The following VAV2 variants were observed in gnomAD, a reference collection of about 807,000 sequenced individuals.
VAV2 encodes the protein guanine nucleotide exchange factor VAV2.
A neutral mutation model predicts 132.5 loss-of-function variants in VAV2; 67 were observed. That is an observed-to-expected ratio of 0.51 (90% CI 0.42 to 0.62). The LOEUF is 0.62. VAV2 is among the 20% of genes least tolerant of loss of function. The pLI is 0.00. For synonymous variants in VAV2, 492 were observed against 443.5 expected (o/e 1.11, Z -1.37); for missense variants, 938 against 1,153.6 (o/e 0.81, Z 2.71).
intron 3 of VAV2, among the ~76,000 whole-genome samples, chr9:133,848,657 G>T (rs528597168): frequency 6.6e-6 from 1 of 152,396 alleles, no homozygotes; most frequent in Non-Finnish European, 1.5e-5. Flanking sequence ...TGTGCTGGCA[G>T]GCACGGGCCC....
At chr9:133,929,629 CA>C (rs990757664) in intron 2 of VAV2, among the ~76,000 whole-genome samples, 6 of 152,254 alleles carry the variant, frequency 3.9e-5, no homozygotes, top group Admixed American at 2.0e-4. Flanking sequence ...TGCCTGCACG[CA>C]AAAGCCAAGG....
At chr9:133,978,156 G>T (rs1842576176) in intron 1 of VAV2, among the ~76,000 whole-genome samples, 1 of 152,226 alleles carries the variant, frequency 6.6e-6, no homozygotes, top group Non-Finnish European at 1.5e-5. Flanking sequence ...GCTGGGCAGG[G>T]CTGGGGAAAC....
At chr9:133,822,572 A>C (rs953862166) in intron 4 of VAV2, among the ~76,000 whole-genome samples, 13 of 152,182 alleles carry the variant, frequency 8.5e-5, no homozygotes, top group Middle Eastern at 3.4e-3. Context: ...CCCATGAGGG[A>C]GGGAGGCCTT....
chr9:133,927,110 TG>T (rs61301941), intron 2 of VAV2, among the ~76,000 whole-genome samples: 131,424 of 152,080 alleles, frequency 0.86, 57,869 homozygotes, highest in East Asian at 0.97. Flanking sequence ...ACCTTACCAG[TG>T]GTGGCAAGAA....
intron 25 of VAV2, 62 bp from the exon 26 acceptor site, chr9:133,772,108 G>A (rs977126154): frequency 1.6e-5 from 23 of 1,433,200 alleles, no homozygotes; most frequent in Non-Finnish European, 2.3e-5. Flanking sequence ...GGCCCCCTTG[G>A]CAGCCAGGCT....
chr9:133,917,844 C>T (rs934619134), intron 2 of VAV2, among the ~76,000 whole-genome samples: 2 of 152,202 alleles, frequency 1.3e-5, no homozygotes, highest in South Asian at 2.1e-4. Flanking sequence ...CACACCCTCC[C>T]GAGGGAGACC....
Position 133,957,132 on chromosome 9 carries a change from C to T in VAV2, c.205-17913G>A, listed in dbSNP as rs184197973. Among the ~76,000 whole-genome samples, 6 of 152,254 alleles carry T rather than the reference C, an allele frequency of 3.9e-5. No homozygotes were observed. In the East Asian group the frequency reaches 9.7e-4, roughly 25 times the overall value. On this transcript the variant is annotated intron_variant, in intron 1 of 29. Transcript: ENST00000371850. ...CTGGTGCTCTCCCGGTTAGGATGAT[C>T]GTCCCTGCTTTACCAGGTGGGGAAA...
Position 133,901,114 on chromosome 9 carries a change from T to C in VAV2, c.321+37989A>G, listed in dbSNP as rs184836782. On this transcript the variant is annotated intron_variant, in intron 2 of 29. Transcript: ENST00000371850. ...CGTGCCCAGCCTCTCCTGTCTGATT[T>C]TCCAGTGAACCTTAAGGGGGCCAAG... Among the ~76,000 whole-genome samples, 32 of 152,058 alleles carry C rather than the reference T, an allele frequency of 2.1e-4. No homozygotes were observed. In the East Asian group the frequency reaches 3.9e-3, roughly 18 times the overall value.
chr9:133,854,511 C>T (rs1457180470), intron 3 of VAV2, among the ~76,000 whole-genome samples: 2 of 152,256 alleles, frequency 1.3e-5, no homozygotes, highest in African/African-American at 4.8e-5. Flanking sequence ...CACTGAGTTG[C>T]CCTTGGCTTG....
chr9:133,914,030 C>T (rs1040764408), intron 2 of VAV2, among the ~76,000 whole-genome samples: 2 of 152,200 alleles, frequency 1.3e-5, no homozygotes, highest in African/African-American at 2.4e-5. Context: ...TATCCTGAAA[C>T]GTAAACCAAC....
At chr9:133,898,680 C>A (rs956282518) in intron 2 of VAV2, among the ~76,000 whole-genome samples, 14 of 152,198 alleles carry the variant, frequency 9.2e-5, no homozygotes, top group Non-Finnish European at 1.5e-4. Context: ...GGTAGCTGGA[C>A]TTTTTATGTG....
chr9:133,970,607 G>C (rs1387140956), intron 1 of VAV2, among the ~76,000 whole-genome samples: 1 of 152,202 alleles, frequency 6.6e-6, no homozygotes, highest in African/African-American at 2.4e-5. Context: ...CTCCTTCCCT[G>C]GGCCCAGCCT....
Position 133,794,384 on chromosome 9 carries a change from T to C in VAV2, c.1101+1284A>G, listed in dbSNP as rs1834622099. Among the ~76,000 whole-genome samples the C allele has an allele frequency of 6.6e-6, 1 of 152,000 alleles. No homozygotes were observed. Among genetic ancestry groups the C allele is most frequent in the Non-Finnish European group, 1.5e-5 (1 of 68,000 alleles). On this transcript the variant is annotated intron_variant, in intron 12 of 29. Coordinates refer to ENST00000371850, the MANE Select transcript of VAV2 (RefSeq NM_001134398.2). The surrounding 1 kb of genome is among the most constrained non-coding windows in gnomAD (Gnocchi z 4.6). ...GAATCTGAAGGTCTCTGGGACCACC[T>C]CCCGTGCCCACACACGAGTGCCCAC...
At chr9:133,943,175 T>C (rs1841232805) in intron 1 of VAV2, among the ~76,000 whole-genome samples, 1 of 152,190 alleles carries the variant, frequency 6.6e-6, no homozygotes. Flanking sequence ...GCCATCCCTG[T>C]ACCCCTTTCC....
chr9:133,763,767 C>T lies in VAV2; in HGVS notation c.*295G>A. 2.3e-6 allele frequency: 1 copy of T among 442,854 alleles called. No homozygotes were observed. The highest frequency in any genetic ancestry group is 4.2e-6 in the Non-Finnish European group (1 of 239,200). The allele number at this position is 442,854 out of a possible 1,614,324, so 27.4% of individuals were successfully genotyped here. A position where few individuals can be genotyped will look rare whatever the true frequency, so the allele number is the denominator to read the frequency against. On this transcript the variant is annotated 3_prime_UTR_variant, in exon 30 of 30. Coordinates refer to ENST00000371850, the MANE Select transcript of VAV2 (RefSeq NM_001134398.2). This position sits in a 1 kb window ranked among gnomAD's most constrained non-coding sequence, Gnocchi z 6.8. ...GCAGGCGATGGGCCTCTGGCCTCAG[C>T]CACTACCCAGAGCCTGGCTCGCAGC...
chr9:133,853,387 G>A (rs941303586), intron 3 of VAV2, among the ~76,000 whole-genome samples: 1 of 152,108 alleles, frequency 6.6e-6, no homozygotes, highest in African/African-American at 2.4e-5. Context: ...CTGGACACTA[G>A]GCCAGGTCTA....
At position 133,912,415 on chromosome 9, in the gene VAV2, T is replaced by C. The variant is rs931570026; in HGVS notation, c.321+26688A>G. Among the ~76,000 whole-genome samples, 1 of 152,156 alleles carries C rather than the reference T, an allele frequency of 6.6e-6. No individual in the cohort carries two copies. The highest frequency in any genetic ancestry group is 2.4e-5 in the African/African-American group (1 of 41,426). ...CGAGCCGGAGGCTTCTGGAGGACAG[T>C]GTGCCTAGATGAAGGAACCAGGACG... On this transcript the variant is annotated intron_variant, in intron 2 of 29. Coordinates refer to ENST00000371850, the MANE Select transcript of VAV2 (RefSeq NM_001134398.2). The surrounding 1 kb of genome is among the most constrained non-coding windows in gnomAD (Gnocchi z 4.3).
intron 4 of VAV2, among the ~76,000 whole-genome samples, chr9:133,817,275 C>T (rs1207362286): frequency 6.6e-6 from 1 of 152,162 alleles, no homozygotes; most frequent in Non-Finnish European, 1.5e-5. Context: ...GCAATAATAC[C>T]CGTGTTAGAC....
At chr9:133,931,162 G>C (rs935049705) in intron 2 of VAV2, among the ~76,000 whole-genome samples, 8 of 152,172 alleles carry the variant, frequency 5.3e-5, no homozygotes, top group African/African-American at 1.9e-4. Context: ...TCGGAAACCT[G>C]TCCCCGCACA....
Sources: allele counts gnomAD v4.1 joint callset (sites outside exome capture counted in the v4.1 genomes callset), GRCh38; gene constraint gnomAD v4.1.1; non-coding constraint Gnocchi (gnomAD v3.1); transcripts MANE v1.5; gene names NCBI Gene and HGNC (gene_info 2026-07-23, HGNC 2026-07-21).